Variants in HOOK2 observed in about 807,000 individuals in gnomAD.
HOOK2 encodes hook microtubule tethering protein 2.
HOOK2 carries 108 observed loss-of-function variants against 111.9 expected under a neutral mutation model. The observed-to-expected ratio is 0.96, with a 90% CI of 0.83 to 1.13. HOOK2 has a LOEUF of 1.13. HOOK2 is among the 50% of genes most tolerant of loss of function. The pLI, the probability that HOOK2 is intolerant of heterozygous loss-of-function variation, is 0.00. For missense variants in HOOK2, 978 were observed against 951.3 expected (o/e 1.03, Z -0.37); for synonymous variants, 405 against 394.3 (o/e 1.03, Z -0.32).
At chr19:12,783,325 C>A (rs1176985817), upstream of HOOK2, among the ~76,000 whole-genome samples, 1 of 144,570 alleles carries the variant, frequency 6.9e-6, no homozygotes, top group Non-Finnish European at 1.5e-5. Flanking sequence ...AACTCCGCCT[C>A]TGAATTGGTA....
intron 11 of HOOK2, among the ~76,000 whole-genome samples, chr19:12,769,368 G>T (rs1968247181): frequency 6.6e-6 from 1 of 150,898 alleles, no homozygotes; most frequent in South Asian, 2.1e-4. Flanking sequence ...GAGTTATGGG[G>T]TGCCCGCCTT....
intron 3 of HOOK2, among the ~76,000 whole-genome samples, chr19:12,788,466 G>C (rs1430359194): frequency 6.6e-6 from 1 of 152,114 alleles, no homozygotes; most frequent in African/African-American, 2.4e-5. Context: ...CACTGTCTGC[G>C]TGACACTAAC....
Position 12,772,209 on chromosome 19 carries a change from T to A in HOOK2, c.500A>T (p.Tyr167Phe). ...DTPDSLSPET[Y>F]GNFDSQSRRY... ...TCTTACCTGGCTGTCAAAGTTGCCATACGTCTCTGGTGACAGGGAGTCAGG... is the reference window on the plus strand; with the variant it reads ...TCTTACCTGGCTGTCAAAGTTGCCAAACGTCTCTGGTGACAGGGAGTCAGG... Residue 167 changes from tyrosine (Y) to phenylalanine (F), a missense_variant, in exon 7 of 23, where the codon TAT (tyrosine) becomes TTT (phenylalanine). This residue lies in a region of HOOK2 where 301 missense variants were observed against 286.1 expected (regional missense o/e 1.05). Coordinates refer to ENST00000397668, the MANE Select transcript of HOOK2 (RefSeq NM_013312.3). 1.2e-6 allele frequency: 2 copies of A among 1,613,830 alleles called. No homozygotes were observed. Among genetic ancestry groups the A allele is most frequent in the Non-Finnish European group, 1.7e-6 (2 of 1,179,672 alleles).
intron 1 of HOOK2, chr19:12,775,201 AG>A (rs1335443910): frequency 2.0e-6 from 2 of 985,174 alleles, no homozygotes; most frequent in Non-Finnish European, 2.4e-6. Context: ...AACCAACCAC[AG>A]AGGGGCGGGG....
In HOOK2 at chr19:12,763,380, G is replaced by C; in HGVS notation, c.2062C>G (p.Gln688Glu). The change falls in exon 23 of 23, where the codon CAG becomes GAG. Residue 688 changes from glutamine (Q) to glutamate (E), a missense_variant. Physicochemically the swap from Gln to Glu is conservative, Grantham distance 29 (BLOSUM62 2). Coordinates refer to ENST00000397668, the MANE Select transcript of HOOK2 (RefSeq NM_013312.3). ...AGCCGCTGCTGTGCCAGGAATGACT[G>C]GGCATGGGCAGGCGCCCGCTCCTCC... ...AGEERAPAHA[Q>E]SFLAQQRLAT... The C allele has an allele frequency of 6.2e-7, 1 of 1,614,144 alleles. No homozygotes were observed. The highest frequency in any genetic ancestry group is 8.5e-7 in the Non-Finnish European group (1 of 1,180,018).
In HOOK2 at chr19:12,771,179, C is replaced by T. The variant is rs764922621; in HGVS notation, c.741G>A (p.Gln247=). 1.1e-5 allele frequency: 18 copies of T among 1,613,338 alleles called. No homozygotes were observed. Among genetic ancestry groups the T allele is most frequent in the Admixed American group, 1.7e-5 (1 of 59,844 alleles). ...KLLLLQSQLE[Q]LQEENFRLES... Reference sequence around the variant, plus strand: ...CACACCTGAAGTTCTCCTCCTGCAACTGCTCCAGCTGGGATTGCAGCAGCA... The same window carrying T: ...CACACCTGAAGTTCTCCTCCTGCAATTGCTCCAGCTGGGATTGCAGCAGCA... The change falls in exon 9 of 23, where the codon CAG becomes CAA. Residue 247 remains glutamine, a synonymous_variant. Coordinates refer to ENST00000397668, the MANE Select transcript of HOOK2 (RefSeq NM_013312.3).
intron 3 of HOOK2, among the ~76,000 whole-genome samples, chr19:12,788,500 GC>G (rs1195623766): frequency 6.6e-6 from 1 of 152,102 alleles, no homozygotes; most frequent in Non-Finnish European, 1.5e-5. Flanking sequence ...GTCTCTCTGG[GC>G]ATCTCTCCCT....
chr19:12,777,338 T>C (rs1263752838), upstream of HOOK2, among the ~76,000 whole-genome samples: 3 of 149,742 alleles, frequency 2.0e-5, no homozygotes, highest in East Asian at 2.0e-4. Flanking sequence ...TAAAAGTAGC[T>C]GGGCGTGGTG....
At chr19:12,792,069 A>G in intron 3 of HOOK2, 1 of 1,608,090 alleles carries the variant, frequency 6.2e-7, no homozygotes, top group Non-Finnish European at 8.5e-7. Flanking sequence ...CGGCGTGATC[A>G]CGACGACGCC....
At chr19:12,765,464 C>A (rs1205169) in intron 18 of HOOK2, 522,287 of 612,950 alleles carry the variant, frequency 0.85, 225,835 homozygotes, top group Middle Eastern at 0.94. Flanking sequence ...GAAAAGAAAG[C>A]AGGCCAGGCG....
At chr19:12,788,465 C>T (rs747832340) in intron 3 of HOOK2, among the ~76,000 whole-genome samples, 24 of 152,178 alleles carry the variant, frequency 1.6e-4, no homozygotes, top group Non-Finnish European at 2.8e-4. Context: ...TCACTGTCTG[C>T]GTGACACTAA....
intron 3 of HOOK2, 25 bp downstream of exon 3, chr19:12,774,644 C>G (rs1322704289): frequency 6.2e-7 from 1 of 1,612,744 alleles, no homozygotes; most frequent in African/African-American, 1.3e-5. Flanking sequence ...CCAGTCTGTC[C>G]TCTAATCAGG....
At chr19:12,773,186 C>G (rs1195361993) in intron 3 of HOOK2, 142 bp from the exon 4 acceptor site, 4 of 670,952 alleles carry the variant, frequency 6.0e-6, no homozygotes, top group Middle Eastern at 7.4e-4. Context: ...TAGGGGTGAC[C>G]TGTCTGGCTG....
In HOOK2 at chr19:12,773,020, G is replaced by A. The variant is rs567279935; in HGVS notation, c.229C>T (p.Arg77Trp). 26 of 1,614,066 alleles carry A rather than the reference G, an allele frequency of 1.6e-5. No individual in the cohort carries two copies. The highest frequency in any genetic ancestry group is 1.3e-4 in the African/African-American group (10 of 75,016). Reference protein sequence around the residue: ...LKVSNLKMVLRSLVEYSQDVL... With the variant: ...LKVSNLKMVLWSLVEYSQDVL... Reference sequence around the variant, plus strand: ...TCCTGGGAGTACTCTACTAGGCTCCGTAAGACCATCTTCAGATTGCTGACC... The same window carrying A: ...TCCTGGGAGTACTCTACTAGGCTCCATAAGACCATCTTCAGATTGCTGACC... The change falls in exon 4 of 23, where the codon CGG (arginine) becomes TGG (tryptophan). Residue 77 changes from arginine to tryptophan, a missense_variant. Arg to Trp is a moderately radical substitution (Grantham distance 101). This residue lies in a region of HOOK2 where 301 missense variants were observed against 286.1 expected (regional missense o/e 1.05). Transcript: ENST00000397668.
chr19:12,782,727 A>C (rs2145795491), upstream of HOOK2, among the ~76,000 whole-genome samples: 1 of 152,098 alleles, frequency 6.6e-6, no homozygotes, highest in South Asian at 2.1e-4. Flanking sequence ...CCCGGCCGGG[A>C]CCTTGGGGCG....
At chr19:12,770,895 GC>G in intron 10 of HOOK2, 36 bp downstream of exon 10, 2 of 1,567,142 alleles carry the variant, frequency 1.3e-6, no homozygotes, top group Non-Finnish European at 1.7e-6. Context: ...TTTACCCCCC[GC>G]CCCCCGTGAT....
intron 3 of HOOK2, 188 bp downstream of exon 3, chr19:12,774,479 CTG>C: frequency 6.4e-6 from 4 of 623,350 alleles, no homozygotes; most frequent in South Asian, 1.9e-5. Flanking sequence ...AGGTTTTTGT[CTG>C]TGTTATTCCT....
chr19:12,791,456 A>C lies in HOOK2; in HGVS notation n.42-17231T>G. On this transcript the variant is annotated intron_variant and non_coding_transcript_variant, in intron 3 of 3. Transcript: ENST00000589765. The surrounding 1 kb of genome is among the most constrained non-coding windows in gnomAD (Gnocchi z 7.0). ...CACTTCCGTGGCTGACTAGCGCGGT[A>C]TAAAGGCGTGTGGCTCAGGCTGAGC... The C allele has an allele frequency of 1.5e-5, 4 of 268,362 alleles. No homozygotes were observed. Among genetic ancestry groups the C allele is most frequent in the Non-Finnish European group, 1.4e-5 (2 of 141,790 alleles). 16.6% of individuals were successfully genotyped at this position (268,362 alleles called of 1,614,324 possible).
rs1968137169 is a variant in HOOK2 at position 12,766,091 on chromosome 19, C to T, written c.1511+12G>A. The T allele has an allele frequency of 1.2e-6, 2 of 1,602,168 alleles. No individual in the cohort carries two copies. The highest frequency in any genetic ancestry group is 1.7e-5 in the Admixed American group (1 of 59,798). On this transcript the variant is annotated intron_variant, in intron 15 of 22. Transcript: ENST00000397668. ...GTCCCTGCTCCGCGCAGGTAGGTCC[C>T]CAGGCGCTCACCGGTGCTGCGTCTC...
Sources: allele counts gnomAD v4.1 joint callset (sites outside exome capture counted in the v4.1 genomes callset), GRCh38; gene constraint gnomAD v4.1.1; regional missense constraint gnomAD v4.1.1; non-coding constraint Gnocchi (gnomAD v3.1); transcripts MANE v1.5; gene names NCBI Gene and HGNC (gene_info 2026-07-23, HGNC 2026-07-21).